The following ACSF2 variants were observed in gnomAD, a reference collection of about 807,000 sequenced individuals.
ACSF2 encodes medium-chain acyl-CoA ligase ACSF2, mitochondrial.
In ACSF2, 52 loss-of-function variants were observed where a neutral mutation model predicts 79.3. That is an observed-to-expected ratio of 0.66 (90% CI 0.53 to 0.83). The LOEUF (loss-of-function observed/expected upper bound fraction) is 0.83, where lower values mean the gene tolerates loss of function less well. Among genes scored for constraint, ACSF2 ranks in the 40% least tolerant of loss-of-function variants. ACSF2 has a pLI of 0.00. For missense variants in ACSF2, 661 were observed against 803.3 expected, an observed-to-expected ratio of 0.82 and a Z score of 2.14; for synonymous variants, 283 against 312.6, an observed-to-expected ratio of 0.91 and a Z score of 1.00.
At chr17:50,447,491 G>A (rs1157008124) in intron 1 of ACSF2, among the ~76,000 whole-genome samples, 5 of 152,058 alleles carry the variant, frequency 3.3e-5, no homozygotes, top group South Asian at 2.1e-4. Flanking sequence ...GTAGTGAGCC[G>A]AGATCGCGCC....
chr17:50,451,548 C>T (rs1224156152), intron 1 of ACSF2, among the ~76,000 whole-genome samples: 3 of 152,166 alleles, frequency 2.0e-5, no homozygotes, highest in Non-Finnish European at 4.4e-5. Context: ...CTTTCAGGTT[C>T]AAGCGATTCT....
At position 50,472,410 on chromosome 17, in the gene ACSF2, G is replaced by A; in HGVS notation, c.1324-18G>A. The A allele has an allele frequency of 1.2e-6, 2 of 1,606,024 alleles. No homozygotes were observed. The highest frequency in any genetic ancestry group is 2.2e-5 in the South Asian group (2 of 89,852). ...GCAAGAGGATAGGAAGCCCCAACCT[G>A]AGGCCATCCTGTCCCAGGCCCGGAT... On this transcript the variant is annotated intron_variant, in intron 11 of 15. Coordinates refer to ENST00000300441, the MANE Select transcript of ACSF2 (RefSeq NM_025149.6).
chr17:50,465,510 G>A, intron 10 of ACSF2: 3 of 1,576,608 alleles, frequency 1.9e-6, no homozygotes, highest in Non-Finnish European at 2.6e-6. Context: ...AGTGAACTAT[G>A]GGGCCAGGAT....
At chr17:50,469,925 C>G (rs1316165918) in intron 10 of ACSF2, 2 of 152,572 alleles carry the variant, frequency 1.3e-5, no homozygotes, top group Non-Finnish European at 2.9e-5. Context: ...TTCTGTGTGC[C>G]CACTTGCCAG....
In ACSF2 at chr17:50,468,916, C is replaced by A. The variant is rs1214064400; in HGVS notation, c.1216-2112C>A. On this transcript the variant is annotated intron_variant, in intron 10 of 15. Transcript: ENST00000300441. Reference sequence around the variant, plus strand: ...GTCTGCCGCCCTCTTTATACGGTGGCCCTGACCGCAGCCGGCAGCCGAGCC... The same window carrying A: ...GTCTGCCGCCCTCTTTATACGGTGGACCTGACCGCAGCCGGCAGCCGAGCC... 5.0e-6 allele frequency: 7 copies of A among 1,411,560 alleles called. No individual in the cohort carries two copies. In the African/African-American group the frequency reaches 1.1e-4, roughly 21 times the overall value. 87.4% of individuals were successfully genotyped at this position (1,411,560 alleles called of 1,614,324 possible). A position where few individuals can be genotyped will look rare whatever the true frequency, so the allele number is the denominator to read the frequency against.
intron 9 of ACSF2, 152 bp downstream of exon 9, chr17:50,464,061 G>T (rs1405580002): frequency 4.5e-6 from 5 of 1,121,022 alleles, no homozygotes; most frequent in Non-Finnish European, 6.6e-6. Flanking sequence ...GATCCCCAGT[G>T]TCCCTGGACA....
At chr17:50,441,141 GA>G (rs1292991078) in intron 1 of ACSF2, among the ~76,000 whole-genome samples, 3 of 152,270 alleles carry the variant, frequency 2.0e-5, no homozygotes, top group African/African-American at 7.2e-5. Context: ...AGAACCTTAA[GA>G]AAATGAACTA....
chr17:50,456,738 AT>A (rs2032031547), intron 1 of ACSF2, among the ~76,000 whole-genome samples: 1 of 148,878 alleles, frequency 6.7e-6, no homozygotes, highest in African/African-American at 2.5e-5. Context: ...TCTTAAAAAA[AT>A]AATGATAAAA....
intron 6 of ACSF2, chr17:50,462,889 G>A (rs975625245): frequency 8.6e-6 from 5 of 579,708 alleles, no homozygotes; most frequent in South Asian, 4.5e-5. Context: ...AATCAGAGAC[G>A]CAGAAGAGAG....
At chr17:50,455,774 A>T (rs2031954126) in intron 1 of ACSF2, among the ~76,000 whole-genome samples, 2 of 152,214 alleles carry the variant, frequency 1.3e-5, no homozygotes, top group South Asian at 2.1e-4. Context: ...GCACACCTGC[A>T]TTGAGACCTC....
intron 1 of ACSF2, among the ~76,000 whole-genome samples, chr17:50,436,620 G>T (rs1293243785): frequency 6.6e-6 from 1 of 151,630 alleles, no homozygotes; most frequent in Non-Finnish European, 1.5e-5. Context: ...TTTTAGTAGA[G>T]ACAGGGTTTC....
intron 10 of ACSF2, among the ~76,000 whole-genome samples, chr17:50,467,115 G>A (rs1358586467): frequency 6.6e-6 from 1 of 152,246 alleles, no homozygotes; most frequent in Non-Finnish European, 1.5e-5. Context: ...CTGTACCAGG[G>A]TGATTTTTCC....
chr17:50,456,058 A>G (rs2031973135), intron 1 of ACSF2, among the ~76,000 whole-genome samples: 2 of 152,124 alleles, frequency 1.3e-5, no homozygotes, highest in South Asian at 4.1e-4. Flanking sequence ...CAATCAATAG[A>G]AGATATACGT....
chr17:50,435,173 GT>G lies in ACSF2; in HGVS notation c.128+8785del, dbSNP rs768645248. The stretch of plus-strand genomic sequence containing the variant: ...GCGTGAGCCACCGTGCCTGGCCTGT[GT>G]CTGGCTTTTTTTGCTCAGAAGCCAA... On this transcript the variant is annotated intron_variant, in intron 1 of 15. Transcript: ENST00000300441. 1.0e-3 allele frequency among the ~76,000 whole-genome samples: 157 copies of G among 152,190 alleles called. 2 individuals carry two copies. The highest frequency in any genetic ancestry group is 1.1e-3 in the Admixed American group (17 of 15,278).
chr17:50,430,631 C>A (rs1316527767), intron 1 of ACSF2, among the ~76,000 whole-genome samples: 1 of 152,148 alleles, frequency 6.6e-6, no homozygotes, highest in Non-Finnish European at 1.5e-5. Context: ...TGCCACTGCA[C>A]TCCAACCTGG....
chr17:50,468,953 G>A, intron 10 of ACSF2: 3 of 1,402,994 alleles, frequency 2.1e-6, no homozygotes, highest in Non-Finnish European at 1.8e-6. Context: ...GCTCCTACGT[G>A]GAGCATCGAG....
At chr17:50,436,916 CTATT>C (rs1324241303) in intron 1 of ACSF2, among the ~76,000 whole-genome samples, 1 of 152,132 alleles carries the variant, frequency 6.6e-6, no homozygotes, top group Non-Finnish European at 1.5e-5. Flanking sequence ...AATATATCAC[CTATT>C]TATTCAGGTA....
chr17:50,455,438 G>A (rs1449436019), intron 1 of ACSF2, among the ~76,000 whole-genome samples: 1 of 152,132 alleles, frequency 6.6e-6, no homozygotes, highest in Non-Finnish European at 1.5e-5. Flanking sequence ...AGAGTAAACA[G>A]GGAGTGGGGA....
chr17:50,473,925 A>C lies in ACSF2; in HGVS notation c.1649A>C (p.Glu550Ala). ...GGAGTGAAGGACGATCGGATGGGGG[A>C]AGAGATTTGTGCCTGCATTCGGCTG... ...VVGVKDDRMG[E>A]EICACIRLKD... Residue 550 changes from glutamate (E) to alanine (A), a missense_variant, in exon 14 of 16, where the codon GAA (glutamate) becomes GCA (alanine). Physicochemically the swap from Glu to Ala is moderately radical, Grantham distance 107. Transcript: ENST00000300441. The C allele has an allele frequency of 6.3e-7, 1 of 1,578,312 alleles. No individual in the cohort carries two copies. Among genetic ancestry groups the C allele is most frequent in the Middle Eastern group, 1.7e-4 (1 of 5,912 alleles).
Sources: gnomAD v4.1 joint callset for allele counts (sites outside exome capture counted in the v4.1 genomes callset) on GRCh38, gnomAD v4.1.1 for gene constraint, MANE v1.5 for transcripts, NCBI Gene and HGNC (gene_info 2026-07-23, HGNC 2026-07-21) for gene names.